Variants in ZMYND12 observed in about 807,000 individuals in gnomAD.
ZMYND12 encodes zinc finger MYND domain-containing protein 12.
ZMYND12 carries 32 observed loss-of-function variants against 41.7 expected under a neutral mutation model. The ratio of observed to expected loss-of-function variants is 0.77; its 90% CI spans 0.58 to 1.03. The LOEUF is 1.03. Among genes scored for constraint, ZMYND12 ranks in the 50% least tolerant of loss-of-function variants. The pLI, the probability that ZMYND12 is intolerant of heterozygous loss-of-function variation, is 0.00. For synonymous variants in ZMYND12, 148 were observed against 164.8 expected, an observed-to-expected ratio of 0.90 and a Z score of 0.78; for missense variants, 424 against 438.5, an observed-to-expected ratio of 0.97 and a Z score of 0.30.
At chr1:42,439,270 TC>T (rs1240661473) in intron 4 of ZMYND12, among the ~76,000 whole-genome samples, 2 of 125,062 alleles carry the variant, frequency 1.6e-5, no homozygotes, top group African/African-American at 6.3e-5. Context: ...TCTCTCTCTC[TC>T]TTTTTTTTTT....
intron 2 of ZMYND12, among the ~76,000 whole-genome samples, chr1:42,449,237 G>A (rs990037457): frequency 2.0e-5 from 3 of 152,092 alleles, no homozygotes; most frequent in African/African-American, 7.2e-5. Context: ...AATAATAGTG[G>A]CAGGTTTTGG....
Position 42,430,797 on chromosome 1 carries a change from T to G in ZMYND12, c.1037A>C (p.Glu346Ala). 1.2e-6 allele frequency: 2 copies of G among 1,614,214 alleles called. No homozygotes were observed. Among genetic ancestry groups the G allele is most frequent in the Middle Eastern group, 3.3e-4 (2 of 6,062 alleles). ...TAATAACTCTTGAATGGTGCTTTGCTCATGGACATCAAGCTGTTGTTCTTT... is the reference window on the plus strand; with the variant it reads ...TAATAACTCTTGAATGGTGCTTTGCGCATGGACATCAAGCTGTTGTTCTTT... ...LAKEQQLDVHEQSTIQELLSL... is the reference protein window; with the variant it reads ...LAKEQQLDVHAQSTIQELLSL... The change falls in exon 8 of 8, where the codon GAG becomes GCG. Residue 346 changes from glutamate (E) to alanine (A), a missense_variant. Transcript: ENST00000372565.
At chr1:42,437,620 C>A (rs990676037) in intron 4 of ZMYND12, among the ~76,000 whole-genome samples, 2 of 150,224 alleles carry the variant, frequency 1.3e-5, no homozygotes, top group African/African-American at 4.9e-5. Flanking sequence ...TCAAGTGATT[C>A]TTTTGCCTCA....
Position 42,455,907 on chromosome 1 carries a change from A to T in ZMYND12, c.91T>A (p.Cys31Ser). 6.2e-7 allele frequency: 1 copy of T among 1,613,294 alleles called. No homozygotes were observed. Residue 31 changes from cysteine (C) to serine (S), a missense_variant, in exon 1 of 8, where the codon TGC becomes AGC. Transcript: ENST00000372565. The stretch of plus-strand genomic sequence containing the variant: ...GCCTACCAGTAATAAGTGACTGTGC[A>T]GGCCGCGCACACCCGCTCGGCTGGG... ...EAPAERVCAA[C>S]TVTYYCGVVH... is the part of the protein sequence containing the mutation.
rs1371146332 is a variant in ZMYND12, at chr1:42,448,534, C to T, written c.357G>A (p.Val119=). ...PAALQSLRFR[V]KLYGLSSVEL... Reference sequence around the variant, plus strand: ...CTACGGAGCTCAGGCCATACAGCTTCACACGGAAGCGAAGGGACTGCAAAG... The same window carrying T: ...CTACGGAGCTCAGGCCATACAGCTTTACACGGAAGCGAAGGGACTGCAAAG... The change falls in exon 3 of 8, where the codon GTG becomes GTA. Residue 119 remains valine (V), a synonymous_variant. Transcript: ENST00000372565. The T allele has an allele frequency of 6.2e-7, 1 of 1,613,858 alleles. No homozygotes were observed. Among genetic ancestry groups the T allele is most frequent in the Non-Finnish European group, 8.5e-7 (1 of 1,179,866 alleles).
Position 42,430,619 on chromosome 1 carries a change from G to C in ZMYND12, c.*117C>G, listed in dbSNP as rs1642837065. The C allele has an allele frequency of 2.2e-6, 3 of 1,352,302 alleles. No individual in the cohort carries two copies. Among genetic ancestry groups the C allele is most frequent in the Admixed American group, 2.0e-5 (1 of 51,008 alleles). 83.8% of individuals were successfully genotyped at this position (1,352,302 alleles called of 1,614,324 possible). ...ATAACAGCTATGTGTGCAATCCCAG[G>C]GGAAGAGGGTGGAAACTTCAGCAGT... On this transcript the variant is annotated 3_prime_UTR_variant, in exon 8 of 8. Transcript: ENST00000372565.
At chr1:42,450,121 C>G in intron 1 of ZMYND12, 62 bp from the exon 2 acceptor site, 1 of 1,583,432 alleles carries the variant, frequency 6.3e-7, no homozygotes. Context: ...ATTCCATTAA[C>G]CCTCCTACTG....
In ZMYND12 at chr1:42,447,271, T is replaced by C. The variant is rs929119813; in HGVS notation, c.424+1196A>G. Among the ~76,000 whole-genome samples the C allele has an allele frequency of 3.3e-5, 5 of 152,342 alleles. No homozygotes were observed. The East Asian group carries it at 9.6e-4, about 29-fold the overall frequency. Reference sequence around the variant, plus strand: ...TGGGATGAGAACACAGCATCACCTCTGTACTGTTTTTGCCAAAAATCCATA... The same window carrying C: ...TGGGATGAGAACACAGCATCACCTCCGTACTGTTTTTGCCAAAAATCCATA... On this transcript the variant is annotated intron_variant, in intron 3 of 7. Transcript: ENST00000372565.
At chr1:42,452,032 CAT>C (rs780519937) in intron 1 of ZMYND12, among the ~76,000 whole-genome samples, 8 of 152,196 alleles carry the variant, frequency 5.3e-5, no homozygotes, top group South Asian at 2.1e-4. Flanking sequence ...TTGTGAGCCA[CAT>C]GTTTTGTTTG....
At chr1:42,442,882 C>G (rs1557768878) in intron 3 of ZMYND12, among the ~76,000 whole-genome samples, 1 of 152,142 alleles carries the variant, frequency 6.6e-6, no homozygotes, top group Admixed American at 6.5e-5. Context: ...ATTAGGAGCA[C>G]GAGGCCTAGT....
chr1:42,444,475 A>C (rs1487089951), intron 3 of ZMYND12, among the ~76,000 whole-genome samples: 1 of 152,208 alleles, frequency 6.6e-6, no homozygotes, highest in African/African-American at 2.4e-5. Context: ...TCTTCCATTT[A>C]GACAGTACTT....
chr1:42,446,932 A>T (rs1296655551), intron 3 of ZMYND12, among the ~76,000 whole-genome samples: 1 of 152,150 alleles, frequency 6.6e-6, no homozygotes. Context: ...AGCCAGCTTG[A>T]GTGGGGTTTG....
rs746942511 is a variant in ZMYND12 at position 42,455,998 on chromosome 1, G to C, written c.-1C>G. On this transcript the variant is annotated 5_prime_UTR_variant, in exon 1 of 8. Transcript: ENST00000372565. The stretch of plus-strand genomic sequence containing the variant: ...CTGCCAGTGGGTAGATCACATTCAT[G>C]GTGCAGCCAGCAGTGCTGGTCTCTA... 9 of 1,609,360 alleles carry C rather than the reference G, an allele frequency of 5.6e-6. No individual in the cohort carries two copies. The Admixed American group carries it at 1.3e-4, about 24-fold the overall frequency.
chr1:42,439,837 T>C lies in ZMYND12; in HGVS notation c.594+19A>G. 6.3e-7 allele frequency: 1 copy of C among 1,592,250 alleles called. No individual in the cohort carries two copies. The highest frequency in any genetic ancestry group is 8.5e-7 in the Non-Finnish European group (1 of 1,171,694). On this transcript the variant is annotated intron_variant, in intron 4 of 7. Coordinates refer to ENST00000372565, the MANE Select transcript of ZMYND12 (RefSeq NM_032257.5). ...TTAGATTTTGGAAATATACAGGTGT[T>C]ATAACTTAGCTTGTTTACATCATTG...
At chr1:42,447,406 T>C (rs1643035327) in intron 3 of ZMYND12, among the ~76,000 whole-genome samples, 1 of 152,178 alleles carries the variant, frequency 6.6e-6, no homozygotes, top group South Asian at 2.1e-4. Flanking sequence ...CAAGAAAAGG[T>C]TGAGAAACTA....
chr1:42,436,564 A>C, intron 4 of ZMYND12, 21 bp from the exon 5 acceptor site: 3 of 1,611,128 alleles, frequency 1.9e-6, no homozygotes, highest in Non-Finnish European at 1.7e-6. Flanking sequence ...AGGAAGAAGG[A>C]GAGTGCTTGA....
chr1:42,453,530 A>G (rs1276606937), intron 1 of ZMYND12, among the ~76,000 whole-genome samples: 1 of 152,200 alleles, frequency 6.6e-6, no homozygotes, highest in Non-Finnish European at 1.5e-5. Context: ...GAAATAACAC[A>G]CTCACCAACA....
At chr1:42,442,098 G>A (rs1214318641) in intron 3 of ZMYND12, among the ~76,000 whole-genome samples, 1 of 151,962 alleles carries the variant, frequency 6.6e-6, no homozygotes, top group Non-Finnish European at 1.5e-5. Context: ...ATGAGGCTAT[G>A]GTGGTAGGCA....
chr1:42,435,228 G>A (rs755350515), intron 6 of ZMYND12, 46 bp downstream of exon 6: 1 of 1,416,306 alleles, frequency 7.1e-7, no homozygotes, highest in South Asian at 1.2e-5. Flanking sequence ...TGTGTATTGG[G>A]TGAGATGAAG....
Sources: gnomAD v4.1 joint callset for allele counts (sites outside exome capture counted in the v4.1 genomes callset) on GRCh38, gnomAD v4.1.1 for gene constraint, MANE v1.5 for transcripts, NCBI Gene and HGNC (gene_info 2026-07-23, HGNC 2026-07-21) for gene names.